VWF: variants seen among roughly 807,000 people sequenced by gnomAD.
VWF encodes the protein Factor VIII related antigen.
In VWF, 176 loss-of-function variants were observed where a neutral mutation model predicts 308.6. The observed-to-expected ratio is 0.57, with a 90% confidence interval of 0.50 to 0.65. The LOEUF is 0.65. VWF is among the 30% of genes least tolerant of loss of function. The pLI is 0.00. For missense variants in VWF, 3,146 were observed against 3,648.2 expected (o/e 0.86, Z 3.55); for synonymous variants, 1,385 against 1,443.4 (o/e 0.96, Z 0.92).
At chr12:6,062,808 G>C in intron 13 of VWF, 146 bp downstream of exon 13, 1 of 681,304 alleles carries the variant, frequency 1.5e-6, no homozygotes, top group East Asian at 2.7e-5. Context: ...TCATAAACAA[G>C]AGAGGCCTGT....
chr12:6,120,297 C>T lies in VWF; in HGVS notation c.220+877G>A, dbSNP rs75832404. Among the ~76,000 whole-genome samples the T allele has an allele frequency of 5.1e-3, 775 of 152,020 alleles. 6 individuals are homozygous for T. The highest frequency in any genetic ancestry group is 0.018 in the African/African-American group (745 of 41,472). On this transcript the variant is annotated intron_variant, in intron 3 of 51. Coordinates refer to ENST00000261405, the MANE Select transcript of VWF (RefSeq NM_000552.5). Reference sequence around the variant, plus strand: ...GGCCTTGGGCTCTGTCCTTGGCCTGCTTAGTCCAGTTTTTTTGTTTTTTGT... The same window carrying T: ...GGCCTTGGGCTCTGTCCTTGGCCTGTTTAGTCCAGTTTTTTTGTTTTTTGT...
intron 6 of VWF, among the ~76,000 whole-genome samples, chr12:6,088,942 T>A (rs1205722197): frequency 6.6e-6 from 1 of 152,232 alleles, no homozygotes; most frequent in Non-Finnish European, 1.5e-5. Context: ...TAATATGACC[T>A]GGCTCTCAGA....
At chr12:6,103,718 G>C (rs1255283595) in intron 5 of VWF, among the ~76,000 whole-genome samples, 1 of 151,714 alleles carries the variant, frequency 6.6e-6, no homozygotes, top group East Asian at 2.0e-4. Context: ...ATATGCAGAA[G>C]AATGAAACTG....
chr12:6,118,999 C>T (rs974318473), intron 3 of VWF, among the ~76,000 whole-genome samples: 1 of 152,256 alleles, frequency 6.6e-6, no homozygotes, highest in African/African-American at 2.4e-5. Flanking sequence ...GGCCTTTTCA[C>T]TACCTCCCTG....
chr12:6,073,528 G>A, intron 8 of VWF, 91 bp downstream of exon 8: 1 of 1,575,552 alleles, frequency 6.3e-7, no homozygotes, highest in East Asian at 2.2e-5. Flanking sequence ...TCAGCAACGG[G>A]GAGCAAACAC....
chr12:6,083,732 G>A (rs1190886781), intron 6 of VWF, among the ~76,000 whole-genome samples: 2 of 152,182 alleles, frequency 1.3e-5, no homozygotes, highest in Non-Finnish European at 2.9e-5. Flanking sequence ...GGGGCACAGA[G>A]CTGCTAGGAA....
intron 20 of VWF, among the ~76,000 whole-genome samples, chr12:6,033,610 C>A (rs1329327276): frequency 6.6e-6 from 1 of 152,358 alleles, no homozygotes; most frequent in South Asian, 2.1e-4. Context: ...GGCGCATATC[C>A]CCCCGGATCA....
intron 6 of VWF, among the ~76,000 whole-genome samples, chr12:6,078,220 C>T (rs1944867482): frequency 6.6e-6 from 1 of 152,212 alleles, no homozygotes; most frequent in Non-Finnish European, 1.5e-5. Context: ...AGCATTATCA[C>T]TTCCTAGTAT....
At position 6,092,614 on chromosome 12, in the gene VWF, T is replaced by TGAGTGAGTGAGAGAGAGAGAGAGAGA. The variant is rs71064187; in HGVS notation, c.657+2845_657+2846insTCTCTCTCTCTCTCTCTCACTCACTC. The stretch of plus-strand genomic sequence containing the variant: ...CATGCCCAGCTAGTTAGTGAGTGAG[T>TGAGTGAGTGAGAGAGAGAGAGAGAGA]GAGAGTGTGTGTGTGTGTGTGTGTG... On this transcript the variant is annotated intron_variant, in intron 6 of 51. Coordinates refer to ENST00000261405, the MANE Select transcript of VWF (RefSeq NM_000552.5). Among the ~76,000 whole-genome samples, 89 of 86,082 alleles carry TGAGTGAGTGAGAGAGAGAGAGAGAGA rather than the reference T, an allele frequency of 1.0e-3. 6 individuals are homozygous for TGAGTGAGTGAGAGAGAGAGAGAGAGA. Among genetic ancestry groups the TGAGTGAGTGAGAGAGAGAGAGAGAGA allele is most frequent in the African/African-American group, 5.2e-3 (89 of 17,258 alleles). 56.5% of individuals were successfully genotyped at this position (86,082 alleles called of 152,430 possible).
intron 18 of VWF, among the ~76,000 whole-genome samples, chr12:6,040,825 C>A (rs951144656): frequency 2.0e-5 from 3 of 152,138 alleles, no homozygotes; most frequent in African/African-American, 7.2e-5. Context: ...AGGTGCCAGG[C>A]CTGGGACAAA....
chr12:5,979,147 CA>C (rs1183933004), intron 42 of VWF, among the ~76,000 whole-genome samples: 1 of 152,230 alleles, frequency 6.6e-6, no homozygotes, highest in Non-Finnish European at 1.5e-5. Flanking sequence ...GCTAGAGCAT[CA>C]ACTCATGGCT....
rs141412860 is a variant in VWF, at chr12:6,025,922, C to T, written c.3092G>A (p.Cys1031Tyr). ...FGNSWKVSSQ[C>Y]ADTRKVPLDS... ...CAGACGTACTTTTCTGGTGTCAGCA[C>T]ACTGCGAGCTCACTTTCCAGGAGTT... Residue 1031 changes from cysteine (C) to tyrosine (Y), a missense_variant, in exon 23 of 52, where the codon TGT becomes TAT. Coordinates refer to ENST00000261405, the MANE Select transcript of VWF (RefSeq NM_000552.5). The T allele has an allele frequency of 3.1e-6, 5 of 1,613,898 alleles. No individual in the cohort carries two copies. In the African/African-American group the frequency reaches 5.3e-5, roughly 17 times the overall value.
intron 49 of VWF, among the ~76,000 whole-genome samples, 170 bp from the exon 50 acceptor site, chr12:5,952,053 C>T (rs144479790): frequency 6.6e-6 from 1 of 152,294 alleles, no homozygotes; most frequent in Non-Finnish European, 1.5e-5. Flanking sequence ...CCCTACCTGA[C>T]CAGGCTGAAA....
intron 6 of VWF, among the ~76,000 whole-genome samples, chr12:6,084,095 C>T (rs967298785): frequency 2.0e-5 from 3 of 152,228 alleles, no homozygotes; most frequent in Non-Finnish European, 2.9e-5. Flanking sequence ...AGTCCTGTCA[C>T]TCACAGCTGA....
Position 6,071,933 on chromosome 12 carries a change from T to C in VWF, c.1109+398A>G, listed in dbSNP as rs112623394. 7.4e-3 allele frequency among the ~76,000 whole-genome samples: 1,134 copies of C among 152,228 alleles called. 16 individuals are homozygous for C. The highest frequency in any genetic ancestry group is 0.025 in the African/African-American group (1,046 of 41,540). ...AAGGGAGGGCAGACTGGTGTGAGTTTCCACTGGCCACTGCAACTTCCTACC... is the reference window on the plus strand; with the variant it reads ...AAGGGAGGGCAGACTGGTGTGAGTTCCCACTGGCCACTGCAACTTCCTACC... On this transcript the variant is annotated intron_variant, in intron 9 of 51. Transcript: ENST00000261405.
chr12:6,033,799 C>T lies in VWF; in HGVS notation c.2685+889G>A, dbSNP rs1254927152. Among the ~76,000 whole-genome samples, 3 of 152,208 alleles carry T rather than the reference C, an allele frequency of 2.0e-5. No individual in the cohort carries two copies. In the East Asian group the frequency reaches 5.8e-4, roughly 29 times the overall value. On this transcript the variant is annotated intron_variant, in intron 20 of 51. Coordinates refer to ENST00000261405, the MANE Select transcript of VWF (RefSeq NM_000552.5). Reference sequence around the variant, plus strand: ...ACGCTGCCTGACTCACCAGCTCCTGCAACTCAGCCTCTGGGGCTGGGGCTC... The same window carrying T: ...ACGCTGCCTGACTCACCAGCTCCTGTAACTCAGCCTCTGGGGCTGGGGCTC...
chr12:5,959,795 G>T lies in VWF; in HGVS notation c.7888-6201C>A, dbSNP rs975016894. 4.6e-5 allele frequency among the ~76,000 whole-genome samples: 7 copies of T among 151,680 alleles called. No individual in the cohort carries two copies. In the East Asian group the frequency reaches 1.2e-3, roughly 25 times the overall value. ...AAAAAATAAATATTTTTAACTAGCG[G>T]TAATAAAAAACAATATATCAAAATC... On this transcript the variant is annotated intron_variant, in intron 47 of 51. Coordinates refer to ENST00000261405, the MANE Select transcript of VWF (RefSeq NM_000552.5).
intron 15 of VWF, among the ~76,000 whole-genome samples, chr12:6,056,647 G>A (rs566822613): frequency 2.6e-5 from 4 of 152,292 alleles, no homozygotes; most frequent in African/African-American, 7.2e-5. Flanking sequence ...CCTGGAACAG[G>A]CCCGAATCAT....
chr12:6,008,985 T>C (rs1011365070), intron 34 of VWF, among the ~76,000 whole-genome samples: 1 of 152,022 alleles, frequency 6.6e-6, no homozygotes, highest in Non-Finnish European at 1.5e-5. Flanking sequence ...ATTATAAAAC[T>C]CCTAAAAGAA....
Sources: gnomAD v4.1 joint callset for allele counts (sites outside exome capture counted in the v4.1 genomes callset) on GRCh38, gnomAD v4.1.1 for gene constraint, MANE v1.5 for transcripts, NCBI Gene and HGNC (gene_info 2026-07-23, HGNC 2026-07-21) for gene names.